Variants in KANK1 observed in about 807,000 individuals in gnomAD.
KANK1 encodes KN motif and ankyrin repeat domains 1.
A neutral mutation model predicts 106.2 loss-of-function variants in KANK1; 109 were observed. That is an observed-to-expected ratio of 1.03 (90% CI 0.88 to 1.20). KANK1 has a LOEUF of 1.20. Ranked by LOEUF, KANK1 falls within the 50% of genes most tolerant of loss-of-function variation. KANK1 has a pLI of 0.00. For synonymous variants in KANK1, 873 were observed against 652.2 expected (o/e 1.34, Z -5.16); for missense variants, 2,399 against 1,710.7 (o/e 1.40, Z -7.10).
At chr9:587,520 A>G (rs1387293989) in intron 1 of KANK1, among the ~76,000 whole-genome samples, 1 of 152,200 alleles carries the variant, frequency 6.6e-6, no homozygotes, top group Non-Finnish European at 1.5e-5. Context: ...TAGAAAATAG[A>G]GAGTTTAAAT....
At chr9:558,261 A>G (rs527403864) in intron 1 of KANK1, among the ~76,000 whole-genome samples, 4 of 152,330 alleles carry the variant, frequency 2.6e-5, no homozygotes, top group East Asian at 3.9e-4. Flanking sequence ...ACTGCAGGAA[A>G]TAGGGGAAAT....
chr9:690,894 T>C (rs1016979157), intron 2 of KANK1, among the ~76,000 whole-genome samples: 3 of 152,232 alleles, frequency 2.0e-5, no homozygotes, highest in Non-Finnish European at 4.4e-5. Context: ...CTTTTCTCAC[T>C]GGGCGTCACC....
chr9:717,356 G>A (rs903960316), intron 3 of KANK1, among the ~76,000 whole-genome samples: 1 of 152,156 alleles, frequency 6.6e-6, no homozygotes, highest in Non-Finnish European at 1.5e-5. Flanking sequence ...AAGCCTCCCT[G>A]GCACACTCCT....
chr9:544,856 T>G (rs757098785), intron 1 of KANK1, among the ~76,000 whole-genome samples: 4 of 152,082 alleles, frequency 2.6e-5, no homozygotes, highest in Non-Finnish European at 5.9e-5. Context: ...GGTAAACTGT[T>G]AAGAAATTTT....
intron 1 of KANK1, among the ~76,000 whole-genome samples, chr9:509,105 T>TG (rs2132748247): frequency 6.6e-6 from 1 of 152,252 alleles, no homozygotes; most frequent in African/African-American, 2.4e-5. Context: ...ACCTATTTAT[T>TG]ATTTTTTTTT....
intron 1 of KANK1, among the ~76,000 whole-genome samples, chr9:676,077 T>A (rs1351768158): frequency 6.6e-6 from 1 of 152,186 alleles, no homozygotes; most frequent in African/African-American, 2.4e-5. Flanking sequence ...CACTTTCATC[T>A]CCATCTTGGT....
chr9:514,200 C>T (rs1293250933), intron 1 of KANK1, among the ~76,000 whole-genome samples: 1 of 93,474 alleles, frequency 1.1e-5, no homozygotes, highest in African/African-American at 9.0e-5. Context: ...CCCTTCCTCC[C>T]TCCCTCTCTC....
At chr9:608,917 A>G (rs1021371273) in intron 1 of KANK1, among the ~76,000 whole-genome samples, 3 of 152,144 alleles carry the variant, frequency 2.0e-5, no homozygotes. Flanking sequence ...TCAATAGAGC[A>G]TTTTCTTGGA....
At chr9:589,696 A>G (rs1396100682) in intron 1 of KANK1, among the ~76,000 whole-genome samples, 2 of 152,148 alleles carry the variant, frequency 1.3e-5, no homozygotes, top group African/African-American at 4.8e-5. Flanking sequence ...TTTGAAATAG[A>G]AAGGAACATT....
At chr9:735,004 A>T (rs1833386759) in intron 7 of KANK1, among the ~76,000 whole-genome samples, 169 bp downstream of exon 7, 1 of 152,174 alleles carries the variant, frequency 6.6e-6, no homozygotes, top group African/African-American at 2.4e-5. Flanking sequence ...TCCCTGGATC[A>T]CACTGCCAGC....
chr9:567,778 G>A (rs1818166652), intron 1 of KANK1, among the ~76,000 whole-genome samples: 1 of 152,152 alleles, frequency 6.6e-6, no homozygotes, highest in Non-Finnish European at 1.5e-5. Flanking sequence ...AAATTTATTG[G>A]TTACCCAGGG....
chr9:678,157 A>G (rs968403034), intron 2 of KANK1, among the ~76,000 whole-genome samples: 1 of 152,104 alleles, frequency 6.6e-6, no homozygotes, highest in Admixed American at 6.5e-5. Flanking sequence ...GGGATGACTG[A>G]TCTTTCCCTG....
chr9:687,860 C>G (rs1380814362), intron 2 of KANK1, among the ~76,000 whole-genome samples: 1 of 152,160 alleles, frequency 6.6e-6, no homozygotes, highest in Non-Finnish European at 1.5e-5. Flanking sequence ...GTGTGCGTCA[C>G]TAATCTTATA....
chr9:621,160 T>C (rs558825127), intron 1 of KANK1, among the ~76,000 whole-genome samples: 11 of 152,272 alleles, frequency 7.2e-5, no homozygotes, highest in African/African-American at 2.6e-4. Context: ...TAGCTAAAAA[T>C]TTTTCTTTGG....
intron 3 of KANK1, among the ~76,000 whole-genome samples, chr9:717,158 G>T (rs1207634938): frequency 1.3e-5 from 2 of 151,874 alleles, no homozygotes; most frequent in African/African-American, 4.8e-5. Context: ...GATGGCAGAT[G>T]CCCGTAGTCC....
At chr9:567,507 G>A (rs1401979420) in intron 1 of KANK1, among the ~76,000 whole-genome samples, 2 of 152,226 alleles carry the variant, frequency 1.3e-5, no homozygotes, top group Non-Finnish European at 2.9e-5. Flanking sequence ...CAACTTGGAG[G>A]TTAGAAGCAA....
chr9:733,971 T>C (rs7874288), intron 6 of KANK1: 73,967 of 151,432 alleles, frequency 0.49, 19,084 homozygotes, highest in African/African-American at 0.67. Context: ...AAGCCGGGTG[T>C]GGTGGCACAC....
intron 3 of KANK1, among the ~76,000 whole-genome samples, chr9:487,138 C>T (rs55641349): frequency 0.045 from 6,876 of 152,234 alleles, 236 homozygotes; most frequent in South Asian, 0.079. Flanking sequence ...GAGCTGCAGG[C>T]ACGGAGAACA....
rs555398233 is a variant in KANK1 at position 729,470 on chromosome 9, C to T, written c.2699-581C>T. Among the ~76,000 whole-genome samples, 21 of 152,300 alleles carry T rather than the reference C, an allele frequency of 1.4e-4. 1 individual carries two copies. In the South Asian group the frequency reaches 4.4e-3, roughly 32 times the overall value. On this transcript the variant is annotated intron_variant, in intron 3 of 11. Coordinates refer to ENST00000382297, the MANE Select transcript of KANK1 (RefSeq NM_015158.5). Reference sequence around the variant, plus strand: ...GGTAGTAGAAGGGCATAAGCTGAGGCATGCTGCCAGGAAACAAGAGACCCG... The same window carrying T: ...GGTAGTAGAAGGGCATAAGCTGAGGTATGCTGCCAGGAAACAAGAGACCCG...
Sources: allele counts gnomAD v4.1 joint callset (sites outside exome capture counted in the v4.1 genomes callset), GRCh38; gene constraint gnomAD v4.1.1; transcripts MANE v1.5; gene names NCBI Gene and HGNC (gene_info 2026-07-23, HGNC 2026-07-21).